The following SPMIP5 variants were observed in gnomAD, a reference collection of about 807,000 sequenced individuals.
SPMIP5 encodes sperm microtubule inner protein 5, also known as sperm-associated microtubule inner protein 5.
the SPMIP5 span, among the ~76,000 whole-genome samples, chr10:116,662,869 C>T: frequency 7.9e-5 from 12 of 152,262 alleles, no homozygotes; most frequent in East Asian, 1.9e-4. Flanking sequence ...TGATCCAGTG[C>T]GACTGGTGTC....
chr10:116,664,613 T>TTCA, the SPMIP5 span: 1 of 1,438,482 alleles, frequency 7.0e-7, no homozygotes, highest in South Asian at 1.5e-5. Flanking sequence ...GGGGAAGCCC[T>TTCA]GAAACTACAA....
chr10:116,663,105 C>T, the SPMIP5 span, among the ~76,000 whole-genome samples: 28 of 151,084 alleles, frequency 1.9e-4, no homozygotes, highest in Non-Finnish European at 1.3e-4. Context: ...TGGCGTGAAC[C>T]CAGGAAGCAG....
chr10:116,665,531 T>C, the SPMIP5 span: 6 of 1,358,654 alleles, frequency 4.4e-6, no homozygotes, highest in Non-Finnish European at 6.2e-6. Context: ...CTGGGTGCTA[T>C]GGGGCAGCTC....
the SPMIP5 span, chr10:116,664,712 C>T: frequency 1.3e-6 from 2 of 1,592,914 alleles, no homozygotes; most frequent in Non-Finnish European, 1.7e-6. Context: ...TGGGTTTGCA[C>T]TTCTCCCTTT....
At chr10:116,666,182 T>C in the SPMIP5 span, among the ~76,000 whole-genome samples, 1 of 152,362 alleles carries the variant, frequency 6.6e-6, no homozygotes, top group Admixed American at 6.5e-5. Context: ...ATTATTCATC[T>C]TTTTAAAGAG....
At chr10:116,665,734 T>C in the SPMIP5 span, 2 of 1,614,180 alleles carry the variant, frequency 1.2e-6, no homozygotes, top group South Asian at 2.2e-5. Flanking sequence ...AGCTGTTCTT[T>C]ATAGCGCTGT....
At chr10:116,664,359 TGA>T in the SPMIP5 span, 1 of 947,400 alleles carries the variant, frequency 1.1e-6, no homozygotes, top group Non-Finnish European at 1.5e-6. Context: ...TACATAAATA[TGA>T]GTAAATATAT....
chr10:116,666,243 C>T, the SPMIP5 span, among the ~76,000 whole-genome samples: 1 of 152,152 alleles, frequency 6.6e-6, no homozygotes, highest in African/African-American at 2.4e-5. Flanking sequence ...ATCTTTCTTG[C>T]CGGACCATCA....
At chr10:116,663,624 T>C in the SPMIP5 span, 1 of 329,926 alleles carries the variant, frequency 3.0e-6, no homozygotes, top group South Asian at 4.3e-5. Context: ...GCTGCAGTGT[T>C]ACCTCGGGGG....
the SPMIP5 span, chr10:116,664,231 G>A: frequency 3.7e-6 from 6 of 1,612,138 alleles, no homozygotes; most frequent in Non-Finnish European, 5.1e-6. Context: ...AAAACTTTTG[G>A]AGACGGAGCA....
chr10:116,666,927 A>G, the SPMIP5 span, among the ~76,000 whole-genome samples: 1 of 152,222 alleles, frequency 6.6e-6, no homozygotes, highest in African/African-American at 2.4e-5. Flanking sequence ...TTTAATCCTC[A>G]CAACAATCTT....
the SPMIP5 span, chr10:116,665,182 A>G: frequency 3.4e-6 from 4 of 1,179,648 alleles, no homozygotes; most frequent in Non-Finnish European, 4.3e-6. Context: ...AGATCACCTG[A>G]GGTCAGGAAT....
chr10:116,669,169 G>A, the SPMIP5 span, among the ~76,000 whole-genome samples: 1 of 152,088 alleles, frequency 6.6e-6, no homozygotes, highest in African/African-American at 2.4e-5. Flanking sequence ...GTGGGCTGAG[G>A]CCTTGCCAAG....
chr10:116,663,272 C>T, the SPMIP5 span, among the ~76,000 whole-genome samples: 1 of 151,814 alleles, frequency 6.6e-6, no homozygotes, highest in African/African-American at 2.4e-5. Context: ...GCCAACGTGG[C>T]TGCAAAACAC....
At chr10:116,665,372 T>A in the SPMIP5 span, 74 of 423,786 alleles carry the variant, frequency 1.7e-4, no homozygotes, top group Middle Eastern at 4.1e-3. Context: ...ACCACTGCAC[T>A]CCAGCCTAGG....
chr10:116,668,165 C>T, the SPMIP5 span: 13 of 1,265,504 alleles, frequency 1.0e-5, no homozygotes, highest in Non-Finnish European at 6.9e-6. Flanking sequence ...GTCCAGTTGG[C>T]TGCACAGACA....
the SPMIP5 span, chr10:116,664,347 A>G: frequency 1.9e-6 from 2 of 1,038,998 alleles, no homozygotes; most frequent in Non-Finnish European, 2.7e-6. Flanking sequence ...AATAAAATAC[A>G]ATACATAAAT....
the SPMIP5 span, among the ~76,000 whole-genome samples, chr10:116,667,278 C>T: frequency 6.6e-6 from 1 of 152,222 alleles, no homozygotes; most frequent in Non-Finnish European, 1.5e-5. Context: ...TCCCTAGCGC[C>T]TTCAGAAAGA....
the SPMIP5 span, chr10:116,668,185 G>T: frequency 7.0e-7 from 1 of 1,434,052 alleles, no homozygotes; most frequent in Non-Finnish European, 9.8e-7. Context: ...ACAGACAGTG[G>T]GTCAAGGCAG....
Sources: allele counts gnomAD v4.1 joint callset (sites outside exome capture counted in the v4.1 genomes callset), GRCh38; gene constraint gnomAD v4.1.1; transcripts MANE v1.5; gene names NCBI Gene and HGNC (gene_info 2026-07-23, HGNC 2026-07-21).